SLC7A1: variants seen among roughly 807,000 people sequenced by gnomAD.
The protein encoded by SLC7A1 is high affinity cationic amino acid transporter 1.
A neutral mutation model predicts 53.9 loss-of-function variants in SLC7A1; 10 were observed. The ratio of observed to expected loss-of-function variants is 0.19; its 90% CI spans 0.11 to 0.31. The LOEUF (loss-of-function observed/expected upper bound fraction) is 0.31. Among genes scored for constraint, SLC7A1 ranks in the 10% least tolerant of loss-of-function variants. SLC7A1 has a pLI of 1.00. For missense variants in SLC7A1, 525 were observed against 827.2 expected (o/e 0.63, Z 4.48); for synonymous variants, 342 against 338.7 (o/e 1.01, Z -0.11).
intron 5 of SLC7A1, among the ~76,000 whole-genome samples, chr13:29,528,971 G>A (rs545966437): frequency 3.9e-4 from 59 of 152,288 alleles, no homozygotes; most frequent in African/African-American, 1.4e-3. Context: ...GTTAACAAGA[G>A]GTGCCCTATA....
At chr13:29,595,088 G>C (rs1303522723) in intron 1 of SLC7A1, among the ~76,000 whole-genome samples, 1 of 152,118 alleles carries the variant, frequency 6.6e-6, no homozygotes, top group African/African-American at 2.4e-5. Flanking sequence ...AGCGGCGCGC[G>C]GGTCCCCGGA....
intron 8 of SLC7A1, 40 bp from the exon 9 acceptor site, chr13:29,519,589 T>A (rs2139073136): frequency 3.1e-6 from 4 of 1,292,956 alleles, no homozygotes; most frequent in Non-Finnish European, 4.5e-6. Flanking sequence ...GAGGGCCATC[T>A]GCATGCAATG....
intron 1 of SLC7A1, among the ~76,000 whole-genome samples, chr13:29,587,530 A>G (rs2137395): frequency 0.58 from 88,705 of 152,102 alleles, 30,970 homozygotes; most frequent in Non-Finnish European, 0.79. Flanking sequence ...TGAAGCACCC[A>G]AGAGCTCACT....
At chr13:29,584,048 T>A (rs1566278075) in intron 1 of SLC7A1, among the ~76,000 whole-genome samples, 2 of 152,190 alleles carry the variant, frequency 1.3e-5, no homozygotes, top group East Asian at 1.9e-4. Flanking sequence ...TATAACAGCA[T>A]CAGATCAAGT....
rs146647099 is a variant in SLC7A1, at chr13:29,574,271, G to A, written c.-114-20411C>T. 6.3e-3 allele frequency among the ~76,000 whole-genome samples: 954 copies of A among 152,352 alleles called. 5 individuals carry two copies. Among genetic ancestry groups the A allele is most frequent in the African/African-American group, 0.022 (895 of 41,584 alleles). ...AAACAGGGTTCTTGACCAACTGCCTGTGTTATCACTCTAGCTGTGGGAGAT... is the reference window on the plus strand; with the variant it reads ...AAACAGGGTTCTTGACCAACTGCCTATGTTATCACTCTAGCTGTGGGAGAT... On this transcript the variant is annotated intron_variant, in intron 1 of 12. Coordinates refer to ENST00000380752, the MANE Select transcript of SLC7A1 (RefSeq NM_003045.5).
chr13:29,524,926 A>G (rs1868814032), intron 5 of SLC7A1, among the ~76,000 whole-genome samples: 1 of 152,184 alleles, frequency 6.6e-6, no homozygotes. Context: ...GGCTGCTTAA[A>G]CATTCAGAAA....
intron 2 of SLC7A1, among the ~76,000 whole-genome samples, chr13:29,551,948 C>T (rs1467757358): frequency 1.3e-5 from 2 of 152,086 alleles, no homozygotes; most frequent in Non-Finnish European, 2.9e-5. Flanking sequence ...TTACTTATAG[C>T]CTAATCCTCC....
chr13:29,593,150 C>T (rs1440300655), intron 1 of SLC7A1, among the ~76,000 whole-genome samples: 2 of 152,194 alleles, frequency 1.3e-5, no homozygotes, highest in Non-Finnish European at 2.9e-5. Flanking sequence ...CTAAAAAGGT[C>T]AGTTGTGACT....
At chr13:29,517,339 G>A in intron 10 of SLC7A1, 29 bp from the exon 11 acceptor site, 1 of 1,586,186 alleles carries the variant, frequency 6.3e-7, no homozygotes, top group Non-Finnish European at 8.6e-7. Flanking sequence ...ACAGCAAGCT[G>A]CAACTCAACC....
intron 5 of SLC7A1, among the ~76,000 whole-genome samples, chr13:29,526,114 G>A (rs890590283): frequency 5.3e-5 from 8 of 152,210 alleles, no homozygotes; most frequent in South Asian, 2.1e-4. Context: ...GCCCTGTGGC[G>A]GCCAGGGTGA....
intron 1 of SLC7A1, among the ~76,000 whole-genome samples, chr13:29,560,782 A>G (rs1419495822): frequency 1.3e-5 from 2 of 152,126 alleles, no homozygotes; most frequent in Non-Finnish European, 2.9e-5. Flanking sequence ...CGATCAACCA[A>G]AACATCATTA....
intron 1 of SLC7A1, among the ~76,000 whole-genome samples, chr13:29,581,892 C>T (rs61508227): frequency 0.11 from 17,425 of 152,236 alleles, 1,198 homozygotes; most frequent in African/African-American, 0.19. Flanking sequence ...ACTCCTTTAG[C>T]GGCAAAATAC....
chr13:29,576,287 GT>G (rs1248754374), intron 1 of SLC7A1, among the ~76,000 whole-genome samples: 12 of 4,816 alleles, frequency 2.5e-3, no homozygotes, highest in African/African-American at 7.7e-3. Context: ...ATGAGATCCT[GT>G]TTTTTAAAAA....
At chr13:29,590,253 A>C (rs986969496) in intron 1 of SLC7A1, among the ~76,000 whole-genome samples, 3 of 152,148 alleles carry the variant, frequency 2.0e-5, no homozygotes, top group Admixed American at 6.5e-5. Flanking sequence ...CACGGCCCAG[A>C]GTTTCAGCTT....
intron 12 of SLC7A1, among the ~76,000 whole-genome samples, 167 bp downstream of exon 12, chr13:29,515,971 A>G (rs1478921980): frequency 6.6e-6 from 1 of 152,258 alleles, no homozygotes; most frequent in East Asian, 1.9e-4. Context: ...CAATGGAAAC[A>G]AAAAGTATCT....
intron 2 of SLC7A1, among the ~76,000 whole-genome samples, chr13:29,541,097 G>A (rs186307272): frequency 1.1e-4 from 17 of 152,258 alleles, no homozygotes; most frequent in Admixed American, 2.6e-4. Context: ...GAGAGAGGAC[G>A]TGGAGTCTCA....
At chr13:29,549,117 G>A (rs746436006) in intron 2 of SLC7A1, among the ~76,000 whole-genome samples, 5 of 152,208 alleles carry the variant, frequency 3.3e-5, no homozygotes, top group South Asian at 2.1e-4. Context: ...TCCTCTTTAC[G>A]TGGAGCGGAC....
intron 1 of SLC7A1, among the ~76,000 whole-genome samples, chr13:29,567,188 G>C (rs1871003399): frequency 6.6e-6 from 1 of 152,162 alleles, no homozygotes; most frequent in South Asian, 2.1e-4. Flanking sequence ...CATGGTGACA[G>C]GGCGCAGAAT....
At chr13:29,540,077 G>C (rs1347731201) in intron 2 of SLC7A1, among the ~76,000 whole-genome samples, 3 of 152,182 alleles carry the variant, frequency 2.0e-5, no homozygotes, top group Admixed American at 2.0e-4. Context: ...GGACTCCAAA[G>C]CTGGTTGTTC....
Sources: gnomAD v4.1 joint callset for allele counts (sites outside exome capture counted in the v4.1 genomes callset) on GRCh38, gnomAD v4.1.1 for gene constraint, MANE v1.5 for transcripts, NCBI Gene and HGNC (gene_info 2026-07-23, HGNC 2026-07-21) for gene names.